PCDH15: variants seen among roughly 807,000 people sequenced by gnomAD.
PCDH15 encodes the protein protocadherin related 15.
In PCDH15, 129 loss-of-function variants were observed where a neutral mutation model predicts 178.5. The observed-to-expected ratio is 0.72, with a 90% CI of 0.63 to 0.84. The LOEUF (loss-of-function observed/expected upper bound fraction) is 0.84, where lower values mean the gene tolerates loss of function less well. Among genes scored for constraint, PCDH15 ranks in the 40% least tolerant of loss-of-function variants. The pLI, the probability that PCDH15 is intolerant of heterozygous loss-of-function variation, is 0.00. For synonymous variants in PCDH15, 800 were observed against 732.0 expected, an observed-to-expected ratio of 1.09 and a Z score of -1.50; for missense variants, 2,230 against 2,099.9, an observed-to-expected ratio of 1.06 and a Z score of -1.21.
intron 2 of PCDH15, among the ~76,000 whole-genome samples, chr10:55,511,419 G>A (rs1451081975): frequency 6.6e-6 from 1 of 151,874 alleles, no homozygotes; most frequent in South Asian, 2.1e-4. Context: ...ACCTGATATC[G>A]TTCTTAATTC....
chr10:54,240,896 G>T (rs2055216070), intron 8 of PCDH15, among the ~76,000 whole-genome samples: 2 of 152,130 alleles, frequency 1.3e-5, no homozygotes, highest in Admixed American at 6.5e-5. Context: ...CTCCCAAAGT[G>T]CTGGGATTAC....
At chr10:54,077,269 T>C (rs1210293803) in intron 17 of PCDH15, among the ~76,000 whole-genome samples, 1 of 152,214 alleles carries the variant, frequency 6.6e-6, no homozygotes, top group Non-Finnish European at 1.5e-5. Flanking sequence ...CTAGAAATGC[T>C]AAGTGTCCTG....
intron 1 of PCDH15, among the ~76,000 whole-genome samples, chr10:55,289,113 C>T (rs987065341): frequency 2.6e-5 from 4 of 151,952 alleles, no homozygotes; most frequent in Non-Finnish European, 4.4e-5. Context: ...TCTACAGCTG[C>T]GTACTAAAGT....
At chr10:54,378,214 T>C in intron 4 of PCDH15, among the ~76,000 whole-genome samples, 1 of 152,102 alleles carries the variant, frequency 6.6e-6, no homozygotes, top group Non-Finnish European at 1.5e-5. Context: ...TATGAGCTAC[T>C]GCTGTGCCAA....
At chr10:55,507,897 TA>T (rs1161216688) in intron 2 of PCDH15, among the ~76,000 whole-genome samples, 2 of 151,512 alleles carry the variant, frequency 1.3e-5, no homozygotes, top group African/African-American at 2.4e-5. Context: ...TCTGGCTAAT[TA>T]AAAAAACATG....
chr10:54,102,287 C>T (rs190553997), intron 15 of PCDH15, among the ~76,000 whole-genome samples: 1 of 152,340 alleles, frequency 6.6e-6, no homozygotes, highest in African/African-American at 2.4e-5. Context: ...TCACCCCCAG[C>T]AATGTGCTGC....
At chr10:54,705,737 CT>C (rs928578361) in intron 1 of PCDH15, among the ~76,000 whole-genome samples, 1 of 152,118 alleles carries the variant, frequency 6.6e-6, no homozygotes. Flanking sequence ...AGAATATTTA[CT>C]TTCTCAAATA....
chr10:54,892,778 T>C (rs1406804366), intron 3 of PCDH15, among the ~76,000 whole-genome samples: 2 of 150,836 alleles, frequency 1.3e-5, no homozygotes, highest in Non-Finnish European at 3.0e-5. Flanking sequence ...TCACCCAAGC[T>C]GGAGTGCAAT....
At chr10:55,425,707 A>G (rs1838738852) in intron 2 of PCDH15, among the ~76,000 whole-genome samples, 1 of 152,190 alleles carries the variant, frequency 6.6e-6, no homozygotes, top group Non-Finnish European at 1.5e-5. Flanking sequence ...AACTTCTGAT[A>G]TCTGAATCAG....
chr10:53,901,583 G>A (rs2082337685), intron 26 of PCDH15, among the ~76,000 whole-genome samples: 1 of 151,998 alleles, frequency 6.6e-6, no homozygotes, highest in African/African-American at 2.4e-5. Flanking sequence ...TTTTTATATT[G>A]GATGATGTCA....
At chr10:54,642,625 C>T (rs1276625386) in intron 2 of PCDH15, among the ~76,000 whole-genome samples, 1 of 152,156 alleles carries the variant, frequency 6.6e-6, no homozygotes, top group Non-Finnish European at 1.5e-5. Context: ...CAATGAATTA[C>T]AGAAAATTCT....
intron 2 of PCDH15, among the ~76,000 whole-genome samples, chr10:54,573,988 T>G (rs948834192): frequency 5.9e-5 from 9 of 152,222 alleles, no homozygotes; most frequent in Non-Finnish European, 1.3e-4. Context: ...CTGTTCACTC[T>G]GATGGTAGTT....
chr10:54,700,015 G>T (rs563706714), intron 1 of PCDH15, among the ~76,000 whole-genome samples: 211 of 152,108 alleles, frequency 1.4e-3, no homozygotes, highest in African/African-American at 5.0e-3. Context: ...CATTGCAGCA[G>T]GTTCCCAGCA....
intron 2 of PCDH15, among the ~76,000 whole-genome samples, chr10:54,933,504 T>C (rs1837832252): frequency 6.6e-6 from 1 of 152,124 alleles, no homozygotes; most frequent in African/African-American, 2.4e-5. Context: ...ACACATACAA[T>C]GGAATAGAAG....
chr10:54,062,963 A>T (rs2094061710), intron 18 of PCDH15, among the ~76,000 whole-genome samples: 1 of 152,276 alleles, frequency 6.6e-6, no homozygotes, highest in African/African-American at 2.4e-5. Context: ...CTGAATAGTT[A>T]ATATATATAT....
intron 2 of PCDH15, among the ~76,000 whole-genome samples, chr10:55,536,310 G>A (rs1219568669): frequency 6.6e-6 from 1 of 151,924 alleles, no homozygotes; most frequent in East Asian, 1.9e-4. Context: ...TATATTTGCT[G>A]AAGAGCACAC....
At chr10:55,332,009 T>C (rs757665514) in intron 2 of PCDH15, among the ~76,000 whole-genome samples, 10 of 152,096 alleles carry the variant, frequency 6.6e-5, no homozygotes, top group Non-Finnish European at 1.0e-4. Flanking sequence ...CCATTTACAG[T>C]CACTACAAGG....
At chr10:54,436,700 G>A (rs9416355) in intron 3 of PCDH15, among the ~76,000 whole-genome samples, 3,584 of 152,166 alleles carry the variant, frequency 0.024, 153 homozygotes, top group African/African-American at 0.082. Flanking sequence ...AAAAGAGAAA[G>A]CTCATAATAT....
At chr10:55,223,005 T>C (rs963494968) in intron 1 of PCDH15, among the ~76,000 whole-genome samples, 1 of 151,988 alleles carries the variant, frequency 6.6e-6, no homozygotes, top group Non-Finnish European at 1.5e-5. Context: ...GAATCTCAGT[T>C]TAAACCAGCA....
Sources: allele counts gnomAD v4.1 joint callset (sites outside exome capture counted in the v4.1 genomes callset), GRCh38; gene constraint gnomAD v4.1.1; transcripts MANE v1.5; gene names NCBI Gene and HGNC (gene_info 2026-07-23, HGNC 2026-07-21).